Variants in TNRC6C observed in about 807,000 individuals in gnomAD.
TNRC6C encodes trinucleotide repeat-containing gene 6C protein.
A neutral mutation model predicts 153.7 loss-of-function variants in TNRC6C; 20 were observed. That is an observed-to-expected ratio of 0.13 (90% CI 0.09 to 0.19). The LOEUF is 0.19. Among genes scored for constraint, TNRC6C ranks in the 10% least tolerant of loss-of-function variants. TNRC6C has a pLI of 1.00. For missense variants in TNRC6C, 1,987 were observed against 2,172.0 expected, an observed-to-expected ratio of 0.91 and a Z score of 1.69; for synonymous variants, 811 against 841.4, an observed-to-expected ratio of 0.96 and a Z score of 0.63.
At chr17:78,025,972 T>TA (rs979818538) in intron 1 of TNRC6C, among the ~76,000 whole-genome samples, 18 of 152,312 alleles carry the variant, frequency 1.2e-4, no homozygotes, top group African/African-American at 4.3e-4. Context: ...TCAGCTAGTC[T>TA]AAACCTTTCA....
At chr17:78,086,553 T>C (rs1487771279) in exon 12 of TNRC6C, 1 of 1,613,928 alleles carries the variant, frequency 6.2e-7, no homozygotes, top group South Asian at 1.1e-5. Flanking sequence ...CCCAGCGTAA[T>C]GTGTCCGGAT....
chr17:78,063,772 C>T (rs955556117), intron 3 of TNRC6C, among the ~76,000 whole-genome samples: 4 of 152,056 alleles, frequency 2.6e-5, no homozygotes, highest in Non-Finnish European at 4.4e-5. Context: ...CATTTCTTTG[C>T]CCAGATAAGG....
Position 78,075,030 on chromosome 17 carries a change from G to T in TNRC6C, c.2918-106G>T. The T allele has an allele frequency of 7.2e-7, 1 of 1,386,812 alleles. No individual in the cohort carries two copies. The highest frequency in any genetic ancestry group is 9.8e-7 in the Non-Finnish European group (1 of 1,021,740). The allele number at this position is 1,386,812 out of a possible 1,614,324, so 85.9% of individuals were successfully genotyped here. On this transcript the variant is annotated intron_variant, in intron 7 of 19. Coordinates refer to ENST00000301624, the Ensembl canonical transcript of TNRC6C. The surrounding 1 kb of genome is among the most constrained non-coding windows in gnomAD (Gnocchi z 4.2). ...TGCCCCTGGCTTCCCTGTGTTTGAAGGGGTGGAGGGTCTCCATCCCTCCTT... is the reference window on the plus strand; with the variant it reads ...TGCCCCTGGCTTCCCTGTGTTTGAATGGGTGGAGGGTCTCCATCCCTCCTT...
intron 1 of TNRC6C, among the ~76,000 whole-genome samples, chr17:78,007,607 A>G (rs545858929): frequency 3.3e-5 from 5 of 152,354 alleles, no homozygotes; most frequent in South Asian, 2.1e-4. Context: ...TTGTGTGTCT[A>G]TGAGGGCAGG....
chr17:78,038,535 C>T (rs1008040276), intron 2 of TNRC6C, among the ~76,000 whole-genome samples: 10 of 151,724 alleles, frequency 6.6e-5, no homozygotes, highest in East Asian at 1.9e-4. Context: ...AAAAATTAGC[C>T]GGGCGTGGTG....
intron 13 of TNRC6C, among the ~76,000 whole-genome samples, chr17:78,088,038 A>G (rs900206530): frequency 2.0e-5 from 3 of 152,390 alleles, no homozygotes; most frequent in African/African-American, 7.2e-5. Flanking sequence ...CTTGGAAAAT[A>G]CATCTGTAAA....
chr17:78,041,174 C>CAAAT, intron 2 of TNRC6C: 1 of 152,416 alleles, frequency 6.6e-6, no homozygotes, highest in East Asian at 1.9e-4. Context: ...AAACACGGAA[C>CAAAT]AAATAGTGGC....
chr17:78,098,664 G>A (rs935418834), intron 17 of TNRC6C, 127 bp downstream of exon 20: 65 of 1,000,910 alleles, frequency 6.5e-5, no homozygotes, highest in Non-Finnish European at 9.0e-5. Flanking sequence ...GGGCTTAGGA[G>A]GGCACCAGGG....
At chr17:78,048,223 A>T (rs2072447976) in intron 2 of TNRC6C, among the ~76,000 whole-genome samples, 1 of 152,170 alleles carries the variant, frequency 6.6e-6, no homozygotes, top group South Asian at 2.1e-4. Flanking sequence ...CAGATAAAGT[A>T]GTATACAGCT....
Position 78,075,181 on chromosome 17 carries a change from G to A in TNRC6C, c.2963G>A (p.Gly988Glu), listed in dbSNP as rs1354465208. 5.0e-6 allele frequency: 8 copies of A among 1,612,206 alleles called. No individual in the cohort carries two copies. Among genetic ancestry groups the A allele is most frequent in the Non-Finnish European group, 6.8e-6 (8 of 1,179,124 alleles). Residue 988 changes from glycine (G) to glutamate (E), a missense_variant, in exon 8 of 20, where the codon GGA becomes GAA. Transcript: ENST00000301624. This position sits in a 1 kb window ranked among gnomAD's most constrained non-coding sequence, Gnocchi z 4.2. ...GTGGACGTGGACAAGCGTGGGCTGG[G>A]AGTGACCGACCATAATGGAATGGCC... is the stretch of plus-strand genomic sequence containing the variant.
At chr17:78,026,300 C>T (rs558641127) in intron 1 of TNRC6C, among the ~76,000 whole-genome samples, 301 of 152,186 alleles carry the variant, frequency 2.0e-3, no homozygotes, top group African/African-American at 6.9e-3. Flanking sequence ...TGCCAAATAC[C>T]GGGTACTGTG....
chr17:77,969,952 C>T (rs1178275514), intron 1 of TNRC6C, among the ~76,000 whole-genome samples: 1 of 152,132 alleles, frequency 6.6e-6, no homozygotes, highest in African/African-American at 2.4e-5. Flanking sequence ...ATGGGGTAAG[C>T]TAGAAGTAAG....
chr17:78,079,302 G>A lies in TNRC6C; in HGVS notation c.3211-93G>A. ...AGTGGTAGGAAGTAGAAACAATTTT[G>A]CATTCACTTGAAATAGATCATTTCA... On this transcript the variant is annotated intron_variant, in intron 9 of 19. Coordinates refer to ENST00000301624, the Ensembl canonical transcript of TNRC6C. The surrounding 1 kb of genome is among the most constrained non-coding windows in gnomAD (Gnocchi z 4.3). 1 of 1,535,974 alleles carries A rather than the reference G, an allele frequency of 6.5e-7. No individual in the cohort carries two copies. Among genetic ancestry groups the A allele is most frequent in the Non-Finnish European group, 8.8e-7 (1 of 1,131,622 alleles).
chr17:78,102,429 A>C, intron 17 of TNRC6C, 45 bp from the exon 21 acceptor site: 1 of 1,560,996 alleles, frequency 6.4e-7, no homozygotes, highest in Non-Finnish European at 8.7e-7. Flanking sequence ...CGCACTATCC[A>C]CTGGCACGGG....
At chr17:77,960,899 G>GT (rs569662994) in intron 1 of TNRC6C, among the ~76,000 whole-genome samples, 9 of 152,076 alleles carry the variant, frequency 5.9e-5, no homozygotes, top group African/African-American at 1.9e-4. Flanking sequence ...TATACTGAAA[G>GT]TTTTTTTTCT....
intron 2 of TNRC6C, among the ~76,000 whole-genome samples, chr17:78,038,330 GA>G (rs1299366845): frequency 6.6e-6 from 1 of 152,134 alleles, no homozygotes; most frequent in African/African-American, 2.4e-5. Context: ...CAAAGAATGT[GA>G]ACGGGAAGAT....
intron 5 of TNRC6C, among the ~76,000 whole-genome samples, chr17:78,068,412 AG>A (rs1270388616): frequency 1.1e-4 from 16 of 152,270 alleles, no homozygotes; most frequent in African/African-American, 3.9e-4. Flanking sequence ...TCATGTCAAC[AG>A]AAGTTCTTTG....
intron 2 of TNRC6C, among the ~76,000 whole-genome samples, chr17:78,047,445 C>T (rs1365688705): frequency 6.6e-6 from 1 of 152,180 alleles, no homozygotes; most frequent in Non-Finnish European, 1.5e-5. Flanking sequence ...TTTGAAATCA[C>T]CTAGAGCATA....
chr17:78,024,913 C>T (rs2071908664), intron 1 of TNRC6C, among the ~76,000 whole-genome samples: 1 of 151,702 alleles, frequency 6.6e-6, no homozygotes, highest in Non-Finnish European at 1.5e-5. Flanking sequence ...CCTGCCTCAG[C>T]CTCCCGAGTA....
Sources: allele counts gnomAD v4.1 joint callset (sites outside exome capture counted in the v4.1 genomes callset), GRCh38; gene constraint gnomAD v4.1.1; non-coding constraint Gnocchi (gnomAD v3.1); transcripts MANE v1.5; gene names NCBI Gene and HGNC (gene_info 2026-07-23, HGNC 2026-07-21).